TNFSF13B: variants seen among roughly 807,000 people sequenced by gnomAD.
TNFSF13B encodes TNF superfamily member 13b, also known as tumor necrosis factor ligand superfamily member 13B.
In TNFSF13B, 8 loss-of-function variants were observed where a neutral mutation model predicts 29.1. The observed-to-expected ratio is 0.27, with a 90% CI of 0.16 to 0.50. TNFSF13B has a LOEUF of 0.50. TNFSF13B is among the 20% of genes least tolerant of loss of function. TNFSF13B has a pLI of 0.98. For missense variants in TNFSF13B, 248 were observed against 334.9 expected (o/e 0.74, Z 2.03); for synonymous variants, 125 against 130.8 (o/e 0.96, Z 0.30).
Position 108,303,515 on chromosome 13 carries a change from T to C in TNFSF13B, c.656T>C (p.Val219Ala). 1 of 1,613,810 alleles carries C rather than the reference T, an allele frequency of 6.2e-7. No individual in the cohort carries two copies. Among genetic ancestry groups the C allele is most frequent in the South Asian group, 1.1e-5 (1 of 91,080 alleles). ...CTAATTCAGAGGAAGAAGGTCCATG[T>C]CTTTGGGGATGAATTGAGTCTGGTG... ...GHLIQRKKVHVFGDELSLVTL... is the reference protein window; with the variant it reads ...GHLIQRKKVHAFGDELSLVTL... The change falls in exon 5 of 6, where the codon GTC becomes GCC. Residue 219 changes from valine (V) to alanine (A), a missense_variant. Transcript: ENST00000375887.
intron 2 of TNFSF13B, among the ~76,000 whole-genome samples, chr13:108,279,526 A>G (rs555730925): frequency 1.1e-4 from 17 of 152,284 alleles, no homozygotes; most frequent in Admixed American, 3.9e-4. Context: ...AGATGTGTTT[A>G]AGTACAACTG....
chr13:108,283,390 A>G (rs1303009671), intron 2 of TNFSF13B, among the ~76,000 whole-genome samples: 2 of 152,194 alleles, frequency 1.3e-5, no homozygotes, highest in African/African-American at 4.8e-5. Flanking sequence ...CATCAATTTT[A>G]TATCTTATTT....
At position 108,275,836 on chromosome 13, in the gene TNFSF13B, G is replaced by A. The variant is rs192542482; in HGVS notation, c.424+5412G>A. ...ATTCTAGACTTAATTTGAATTTCAC[G>A]AGTTTTTCTACTAATGATTTTATGT... On this transcript the variant is annotated intron_variant, in intron 2 of 5. Transcript: ENST00000375887. Among the ~76,000 whole-genome samples, 33 of 152,174 alleles carry A rather than the reference G, an allele frequency of 2.2e-4. No homozygotes were observed. The East Asian group carries it at 5.8e-3, about 27-fold the overall frequency.
At chr13:108,304,927 A>G (rs1161876333) in intron 5 of TNFSF13B, among the ~76,000 whole-genome samples, 1 of 152,166 alleles carries the variant, frequency 6.6e-6, no homozygotes, top group Non-Finnish European at 1.5e-5. Context: ...TTGGAGTTGC[A>G]AAATATTTAT....
chr13:108,274,999 C>T (rs942166822), intron 2 of TNFSF13B, among the ~76,000 whole-genome samples: 13 of 151,890 alleles, frequency 8.6e-5, no homozygotes, highest in African/African-American at 3.1e-4. Flanking sequence ...TTTTGTTTTT[C>T]TTAATTACTT....
intron 2 of TNFSF13B, among the ~76,000 whole-genome samples, chr13:108,283,033 C>G (rs1212695728): frequency 2.6e-5 from 4 of 152,158 alleles, no homozygotes; most frequent in Non-Finnish European, 5.9e-5. Context: ...GGTTAGATAT[C>G]TGTGTTACTG....
At chr13:108,280,550 A>G (rs892825962) in intron 2 of TNFSF13B, among the ~76,000 whole-genome samples, 4 of 152,212 alleles carry the variant, frequency 2.6e-5, no homozygotes, top group Admixed American at 1.3e-4. Flanking sequence ...CAAGCTCCTG[A>G]TATTCAGTGC....
At chr13:108,279,961 C>T (rs185063288) in intron 2 of TNFSF13B, among the ~76,000 whole-genome samples, 242 of 151,968 alleles carry the variant, frequency 1.6e-3, no homozygotes, top group African/African-American at 5.3e-3. Context: ...ATGCCCGGCC[C>T]GGGCACCAAG....
chr13:108,300,282 A>G (rs1279677579), intron 3 of TNFSF13B, among the ~76,000 whole-genome samples: 1 of 152,222 alleles, frequency 6.6e-6, no homozygotes, highest in African/African-American at 2.4e-5. Flanking sequence ...TCATTAATTT[A>G]ATAAATATTT....
At chr13:108,277,345 A>C (rs1474707693) in intron 2 of TNFSF13B, among the ~76,000 whole-genome samples, 1 of 152,248 alleles carries the variant, frequency 6.6e-6, no homozygotes, top group Non-Finnish European at 1.5e-5. Flanking sequence ...AAACACATCT[A>C]AATGATGACT....
rs1881681219 is a variant in TNFSF13B, at chr13:108,303,241, T to C, written c.482-12T>C. On this transcript the variant is annotated splice_polypyrimidine_tract_variant and intron_variant, in intron 3 of 5. Coordinates refer to ENST00000375887, the MANE Select transcript of TNFSF13B (RefSeq NM_006573.5). ...TGGTTTCTTTCCTTATAAATGATTC[T>C]CTTCATTGCAGGATCTTACACATTT... The C allele has an allele frequency of 1.9e-6, 3 of 1,572,546 alleles. No homozygotes were observed. The South Asian group carries it at 3.5e-5, about 18-fold the overall frequency.
chr13:108,295,252 G>A (rs934427451), intron 3 of TNFSF13B, among the ~76,000 whole-genome samples: 1 of 145,368 alleles, frequency 6.9e-6, no homozygotes, highest in African/African-American at 2.6e-5. Flanking sequence ...TCGGCTCACT[G>A]CAACCTTTGC....
Position 108,270,421 on chromosome 13 carries a change from A to G in TNFSF13B, c.421A>G (p.Thr141Ala), listed in dbSNP as rs1256227859. Residue 141 changes from threonine (T) to alanine (A), a missense_variant, in exon 2 of 6, where the codon ACA becomes GCA. Thr to Ala is a moderately conservative substitution (Grantham distance 58). Transcript: ENST00000375887. ...NKRAVQGPEE[T>A]VTQDCLQLIA... ...GCGTGCCGTTCAGGGTCCAGAAGAA[A>G]CAGGTATGTTTTGGGCACAGACACT... 3.7e-6 allele frequency: 6 copies of G among 1,613,986 alleles called. No individual in the cohort carries two copies.
At position 108,298,955 on chromosome 13, in the gene TNFSF13B, G is replaced by A. The variant is rs940002489; in HGVS notation, c.482-4298G>A. Among the ~76,000 whole-genome samples, 31 of 145,496 alleles carry A rather than the reference G, an allele frequency of 2.1e-4. 2 individuals carry two copies. Among genetic ancestry groups the A allele is most frequent in the Admixed American group, 3.4e-4 (5 of 14,706 alleles). On this transcript the variant is annotated intron_variant, in intron 3 of 5. Coordinates refer to ENST00000375887, the MANE Select transcript of TNFSF13B (RefSeq NM_006573.5). Reference sequence around the variant, plus strand: ...CCCTGTCTCCAGCCTGGGCGACAGAGCAAGACTTGGGAAAAACAAACAAAC... The same window carrying A: ...CCCTGTCTCCAGCCTGGGCGACAGAACAAGACTTGGGAAAAACAAACAAAC...
chr13:108,290,463 A>G (rs899538250), intron 3 of TNFSF13B, among the ~76,000 whole-genome samples: 3 of 152,156 alleles, frequency 2.0e-5, no homozygotes, highest in Non-Finnish European at 2.9e-5. Context: ...ACTTGCAGCA[A>G]AAGAGCATCA....
Position 108,306,913 on chromosome 13 carries a change from T to A in TNFSF13B, c.833T>A (p.Phe278Tyr), listed in dbSNP as rs1294577743. The A allele has an allele frequency of 1.2e-6, 2 of 1,608,418 alleles. No individual in the cohort carries two copies. The highest frequency in any genetic ancestry group is 1.7e-5 in the Admixed American group (1 of 59,322). ...AQISLDGDVT[F>Y]FGALKLL Reference sequence around the variant, plus strand: ...ATATCACTGGATGGAGATGTCACATTTTTTGGTGCATTGAAACTGCTGTGA... The same window carrying A: ...ATATCACTGGATGGAGATGTCACATATTTTGGTGCATTGAAACTGCTGTGA... The change falls in exon 6 of 6, where the codon TTT becomes TAT. Residue 278 changes from phenylalanine (F) to tyrosine (Y), a missense_variant. This residue lies in a region of TNFSF13B where 62 missense variants were observed against 138.6 expected (regional missense o/e 0.45). Transcript: ENST00000375887.
intron 3 of TNFSF13B, among the ~76,000 whole-genome samples, chr13:108,297,403 T>C (rs1471178146): frequency 6.9e-6 from 1 of 145,804 alleles, no homozygotes; most frequent in Non-Finnish European, 1.5e-5. Flanking sequence ...ATAGCTTGAT[T>C]TTAAGAAGTC....
At chr13:108,272,075 T>A (rs113832991) in intron 2 of TNFSF13B, among the ~76,000 whole-genome samples, 39 of 152,314 alleles carry the variant, frequency 2.6e-4, no homozygotes, top group African/African-American at 8.7e-4. Flanking sequence ...CTTGCTTGCA[T>A]GTTATTTTTA....
At chr13:108,272,498 A>G (rs1370830471) in intron 2 of TNFSF13B, among the ~76,000 whole-genome samples, 1 of 152,016 alleles carries the variant, frequency 6.6e-6, no homozygotes, top group Non-Finnish European at 1.5e-5. Context: ...GTTTTAACTC[A>G]TTAGTCCTTC....
Sources: gnomAD v4.1 joint callset for allele counts (sites outside exome capture counted in the v4.1 genomes callset) on GRCh38, gnomAD v4.1.1 for gene constraint, gnomAD v4.1.1 regional missense constraint, MANE v1.5 for transcripts, NCBI Gene and HGNC (gene_info 2026-07-23, HGNC 2026-07-21) for gene names.